Variants in CCDC40 observed in about 807,000 individuals in gnomAD.
The protein encoded by CCDC40 is coiled-coil domain-containing protein 40.
Under a neutral mutation model 124.5 loss-of-function variants are expected in CCDC40, and 104 were observed. The observed-to-expected ratio is 0.84, with a 90% CI of 0.71 to 0.98. The LOEUF is 0.98. CCDC40 is among the 50% of genes least tolerant of loss of function. The pLI is 0.00. For synonymous variants in CCDC40, 580 were observed against 602.9 expected, an observed-to-expected ratio of 0.96 and a Z score of 0.56; for missense variants, 1,463 against 1,503.9, an observed-to-expected ratio of 0.97 and a Z score of 0.45.
intron 9 of CCDC40, among the ~76,000 whole-genome samples, chr17:80,064,366 C>T (rs1191054319): frequency 6.6e-6 from 1 of 151,950 alleles, no homozygotes; most frequent in East Asian, 1.9e-4. Context: ...CTCGGGCCGC[C>T]AGCTTGCTCA....
Position 80,039,973 on chromosome 17 carries a change from C to T in CCDC40, c.255C>T (p.Ser85=), listed in dbSNP as rs757499261. The T allele has an allele frequency of 2.5e-6, 4 of 1,613,894 alleles. No individual in the cohort carries two copies. Among genetic ancestry groups the T allele is most frequent in the Non-Finnish European group, 1.7e-6 (2 of 1,179,896 alleles). ...TGGAAGGGGAAGAGGAGGCTGTGTC[C>T]TATGGAGATGCTGAAAGCGAAGAGG... The part of the protein sequence containing the change: ...AAVEGEEEAV[S]YGDAESEEEY... Residue 85 remains serine, a synonymous_variant, in exon 3 of 20, where the codon TCC becomes TCT. Coordinates refer to ENST00000397545, the MANE Select transcript of CCDC40 (RefSeq NM_017950.4).
chr17:80,059,011 C>G, intron 9 of CCDC40, 31 bp downstream of exon 9: 1 of 1,613,962 alleles, frequency 6.2e-7, no homozygotes. Flanking sequence ...TCTCAGTGTT[C>G]GACCCTCCAG....
At chr17:80,084,671 G>A (rs1425486935) in intron 12 of CCDC40, 72 bp from the exon 13 acceptor site, 13 of 1,577,396 alleles carry the variant, frequency 8.2e-6, no homozygotes, top group Admixed American at 5.0e-5. Context: ...GTCAGGGAAC[G>A]GTGGATCAGC....
chr17:80,087,737 C>A lies in CCDC40; in HGVS notation c.2580C>A (p.Asn860Lys). 1 of 1,614,152 alleles carries A rather than the reference C, an allele frequency of 6.2e-7. No homozygotes were observed. Among genetic ancestry groups the A allele is most frequent in the Non-Finnish European group, 8.5e-7 (1 of 1,180,008 alleles). The part of the protein sequence containing the change: ...NRCSSEELEQ[N>K]NRVTENEFVR... The stretch of plus-strand genomic sequence containing the variant: ...GCAGCTCGGAGGAGCTGGAGCAGAA[C>A]AACCGGGTGACAGAGAATGAGTTCG... Residue 860 changes from asparagine to lysine, a missense_variant, in exon 15 of 20, where the codon AAC becomes AAA. By Grantham distance (94) the Asn-to-Lys change is moderately conservative (BLOSUM62 0). Coordinates refer to ENST00000397545, the MANE Select transcript of CCDC40 (RefSeq NM_017950.4). The surrounding 1 kb of genome is among the most constrained non-coding windows in gnomAD (Gnocchi z 4.5).
At chr17:80,043,815 G>A (rs118104363) in intron 3 of CCDC40, among the ~76,000 whole-genome samples, 2,976 of 151,980 alleles carry the variant, frequency 0.02, 56 homozygotes, top group Non-Finnish European at 0.03. Context: ...CACCACGCCC[G>A]GCCTCCTCTT....
chr17:80,060,970 A>G (rs2037880019), intron 9 of CCDC40, among the ~76,000 whole-genome samples: 1 of 152,254 alleles, frequency 6.6e-6, no homozygotes, highest in South Asian at 2.1e-4. Context: ...GTGCCAGACG[A>G]AAACAAATGA....
At chr17:80,080,719 C>T (rs1346010086) in intron 10 of CCDC40, among the ~76,000 whole-genome samples, 1 of 152,196 alleles carries the variant, frequency 6.6e-6, no homozygotes, top group Non-Finnish European at 1.5e-5. Flanking sequence ...CCCATAATCA[C>T]AGTACAAAAG....
intron 3 of CCDC40, among the ~76,000 whole-genome samples, chr17:80,043,988 GGGGAGA>G (rs767225428): frequency 4.6e-5 from 7 of 152,166 alleles, no homozygotes; most frequent in Non-Finnish European, 7.3e-5. Flanking sequence ...TGTTCTGCGA[GGGGAGA>G]TGGGAGTATG....
At chr17:80,051,067 T>C (rs1023897438) in intron 7 of CCDC40, among the ~76,000 whole-genome samples, 2 of 152,154 alleles carry the variant, frequency 1.3e-5, no homozygotes, top group Admixed American at 6.5e-5. Flanking sequence ...TAAAGCAACG[T>C]CCTTGCACAG....
Position 80,086,786 on chromosome 17 carries a change from C to T in CCDC40, c.2449+570C>T, listed in dbSNP as rs1014621311. 2.4e-5 allele frequency: 4 copies of T among 168,702 alleles called. No homozygotes were observed. Among genetic ancestry groups the T allele is most frequent in the African/African-American group, 9.6e-5 (4 of 41,618 alleles). 10.5% of individuals were successfully genotyped at this position (168,702 alleles called of 1,614,324 possible). On this transcript the variant is annotated intron_variant, in intron 14 of 19. Coordinates refer to ENST00000397545, the MANE Select transcript of CCDC40 (RefSeq NM_017950.4). This position sits in a 1 kb window ranked among gnomAD's most constrained non-coding sequence, Gnocchi z 5.5. ...GGGTCGGGGATCCATGCTGGTCAGG[C>T]CTGCAGCAGAGCCCCCATGGGAAAT...
Position 80,087,633 on chromosome 17 carries a change from CAGA to C in CCDC40, c.2479_2481del (p.Lys827del), listed in dbSNP as rs746242049. ...CAAGATTGAGCAGGAGAAGAAGGAGCAGAAGGAGATCGAGCACCACATGAAGGA... is the reference window on the plus strand; with the variant it reads ...CAAGATTGAGCAGGAGAAGAAGGAGCAGGAGATCGAGCACCACATGAAGGA... On this transcript the variant is annotated inframe_deletion, in exon 15 of 20. Coordinates refer to ENST00000397545, the MANE Select transcript of CCDC40 (RefSeq NM_017950.4). The surrounding 1 kb of genome is among the most constrained non-coding windows in gnomAD (Gnocchi z 4.5). 1 of 1,614,080 alleles carries C rather than the reference CAGA, an allele frequency of 6.2e-7. No homozygotes were observed. The highest frequency in any genetic ancestry group is 1.1e-5 in the South Asian group (1 of 91,082).
Position 80,058,796 on chromosome 17 carries a change from G to A in CCDC40, c.1318-62G>A. ...GCGTCAACTTGTATCAAGGGTTGGT[G>A]GAGAACAGGCCCTCAGCCACGGGCA... is the stretch of plus-strand genomic sequence containing the variant. On this transcript the variant is annotated intron_variant, in intron 8 of 19. Transcript: ENST00000397545. This position sits in a 1 kb window ranked among gnomAD's most constrained non-coding sequence, Gnocchi z 4.2. The A allele has an allele frequency of 1.2e-6, 2 of 1,612,966 alleles. No individual in the cohort carries two copies. The highest frequency in any genetic ancestry group is 1.7e-6 in the Non-Finnish European group (2 of 1,179,360).
chr17:80,088,334 C>A (rs971940896), intron 16 of CCDC40: 2 of 557,936 alleles, frequency 3.6e-6, no homozygotes, highest in Admixed American at 5.5e-5. Context: ...TCACTGCAAC[C>A]TCTGCCTCCC....
At chr17:80,081,413 A>AATAAATAAATAAATAAATAAATAC in intron 10 of CCDC40, 133 bp from the exon 11 acceptor site, 1 of 690,732 alleles carries the variant, frequency 1.4e-6, no homozygotes, top group Non-Finnish European at 2.5e-6. Flanking sequence ...TAAATAAATA[A>AATAAATAAATAAATAAATAAATAC]GAGTTGGCTT....
At chr17:80,037,487 G>A (rs2037112586) in intron 1 of CCDC40, among the ~76,000 whole-genome samples, 1 of 151,766 alleles carries the variant, frequency 6.6e-6, no homozygotes, top group African/African-American at 2.4e-5. Context: ...AAAAGGGTAG[G>A]TATACTATGA....
chr17:80,055,981 CATATATAT>C (rs1164782051), intron 7 of CCDC40, among the ~76,000 whole-genome samples: 6 of 26,100 alleles, frequency 2.3e-4, no homozygotes, highest in East Asian at 3.3e-3. Context: ...GGCTAATTTT[CATATATAT>C]ATATATATAT....
intron 4 of CCDC40, 118 bp from the exon 5 acceptor site, chr17:80,048,465 C>T: frequency 1.2e-6 from 1 of 833,418 alleles, no homozygotes; most frequent in Non-Finnish European, 2.0e-6. Flanking sequence ...CTTTTGCTGT[C>T]ACTTTCCCAT....
Position 80,095,260 on chromosome 17 carries a change from C to G in CCDC40, c.2833-3C>G. 1.2e-6 allele frequency: 2 copies of G among 1,613,742 alleles called. No individual in the cohort carries two copies. Among genetic ancestry groups the G allele is most frequent in the Non-Finnish European group, 1.7e-6 (2 of 1,179,966 alleles). On this transcript the variant is annotated splice_region_variant and splice_polypyrimidine_tract_variant and intron_variant, in intron 17 of 19. Transcript: ENST00000397545. ...GCCCCAGCCCCTCTGTCCTGTCTCC[C>G]AGGTCAGGCTCGGGCAGCTGCTGAA...
intron 10 of CCDC40, among the ~76,000 whole-genome samples, chr17:80,081,244 G>T (rs984545329): frequency 2.0e-5 from 3 of 152,050 alleles, no homozygotes; most frequent in African/African-American, 7.3e-5. Context: ...AATTAGCCGG[G>T]CATGGTGGCG....
Sources: gnomAD v4.1 joint callset for allele counts (sites outside exome capture counted in the v4.1 genomes callset) on GRCh38, gnomAD v4.1.1 for gene constraint, Gnocchi (gnomAD v3.1) non-coding constraint, MANE v1.5 for transcripts, NCBI Gene and HGNC (gene_info 2026-07-23, HGNC 2026-07-21) for gene names.